The following SORCS1 variants were observed in gnomAD, a reference collection of about 807,000 sequenced individuals.
The protein encoded by SORCS1 is sortilin related VPS10 domain containing receptor 1, also known as VPS10 domain-containing receptor SorCS1.
In SORCS1, 60 loss-of-function variants were observed where a neutral mutation model predicts 146.1. The observed-to-expected ratio is 0.41, with a 90% CI of 0.33 to 0.51. SORCS1 has a LOEUF of 0.51. Among genes scored for constraint, SORCS1 ranks in the 20% least tolerant of loss-of-function variants. SORCS1 has a pLI of 0.21. For synonymous variants in SORCS1, 637 were observed against 584.0 expected, an observed-to-expected ratio of 1.09 and a Z score of -1.31; for missense variants, 1,352 against 1,487.6, an observed-to-expected ratio of 0.91 and a Z score of 1.50.
chr10:106,703,895 TA>T (rs934033867), intron 8 of SORCS1, among the ~76,000 whole-genome samples: 1 of 152,218 alleles, frequency 6.6e-6, no homozygotes, highest in Admixed American at 6.5e-5. Context: ...TACTAGCCCC[TA>T]TTTTTTCTGG....
intron 9 of SORCS1, among the ~76,000 whole-genome samples, chr10:106,693,169 A>C (rs1185779095): frequency 6.6e-6 from 1 of 152,170 alleles, no homozygotes; most frequent in Non-Finnish European, 1.5e-5. Context: ...CTGAAACCCT[A>C]CTGGTCCCAA....
intron 9 of SORCS1, among the ~76,000 whole-genome samples, chr10:106,694,221 T>C (rs1219608341): frequency 6.6e-6 from 1 of 152,172 alleles, no homozygotes; most frequent in African/African-American, 2.4e-5. Flanking sequence ...AACAGCACTC[T>C]CCTCCTCTAG....
At chr10:106,714,000 C>T (rs745482086) in intron 6 of SORCS1, among the ~76,000 whole-genome samples, 1 of 151,850 alleles carries the variant, frequency 6.6e-6, no homozygotes, top group Non-Finnish European at 1.5e-5. Flanking sequence ...GGCATGGTGG[C>T]ACGTGCCTGT....
chr10:107,034,622 G>A (rs1255591727), intron 1 of SORCS1, among the ~76,000 whole-genome samples: 1 of 131,754 alleles, frequency 7.6e-6, no homozygotes, highest in Non-Finnish European at 1.6e-5. Flanking sequence ...ACAGGTTGCA[G>A]TGAGCCGAGA....
At chr10:106,780,499 G>A (rs962162936) in intron 3 of SORCS1, among the ~76,000 whole-genome samples, 4 of 152,186 alleles carry the variant, frequency 2.6e-5, no homozygotes, top group African/African-American at 4.8e-5. Flanking sequence ...GTCATTGTCT[G>A]CCAGGATCAA....
At chr10:107,114,784 G>A (rs1009618277) in intron 1 of SORCS1, among the ~76,000 whole-genome samples, 3 of 152,050 alleles carry the variant, frequency 2.0e-5, no homozygotes, top group Admixed American at 6.5e-5. Context: ...GAAAGAAAAT[G>A]CATCCAAATT....
intron 2 of SORCS1, among the ~76,000 whole-genome samples, chr10:106,868,545 A>G (rs1254201365): frequency 6.6e-6 from 1 of 152,194 alleles, no homozygotes; most frequent in Non-Finnish European, 1.5e-5. Flanking sequence ...AAAATTGCTC[A>G]AAACCATGAA....
chr10:106,942,879 T>C (rs2255608), intron 2 of SORCS1, among the ~76,000 whole-genome samples: 24,726 of 152,156 alleles, frequency 0.16, 2,924 homozygotes, highest in East Asian at 0.38. Context: ...CCCTGGGAAA[T>C]GTAAACATGG....
intron 1 of SORCS1, among the ~76,000 whole-genome samples, chr10:107,126,208 A>T (rs1222806031): frequency 6.6e-6 from 1 of 152,126 alleles, no homozygotes; most frequent in Non-Finnish European, 1.5e-5. Context: ...AAAACCAACG[A>T]TCACTTCATC....
At chr10:107,102,227 C>G (rs929883066) in intron 1 of SORCS1, among the ~76,000 whole-genome samples, 2 of 152,114 alleles carry the variant, frequency 1.3e-5, no homozygotes, top group African/African-American at 4.8e-5. Flanking sequence ...ATTATTTAAT[C>G]TTATTATTGA....
chr10:106,840,863 A>ATTTT (rs59611702), intron 2 of SORCS1, among the ~76,000 whole-genome samples: 6 of 124,164 alleles, frequency 4.8e-5, no homozygotes, highest in African/African-American at 1.7e-4. Flanking sequence ...ATATATATAT[A>ATTTT]TTTTTTTTTT....
intron 1 of SORCS1, among the ~76,000 whole-genome samples, chr10:107,021,095 T>C (rs1399172241): frequency 6.6e-6 from 1 of 152,136 alleles, no homozygotes; most frequent in Non-Finnish European, 1.5e-5. Context: ...ATGAATACAC[T>C]GCATGAAGCA....
At chr10:106,690,905 C>T (rs1347338302) in intron 9 of SORCS1, among the ~76,000 whole-genome samples, 2 of 152,128 alleles carry the variant, frequency 1.3e-5, no homozygotes, top group Non-Finnish European at 2.9e-5. Flanking sequence ...ACGCACAAGC[C>T]ACCTTCTTCC....
intron 1 of SORCS1, among the ~76,000 whole-genome samples, chr10:107,121,729 T>C (rs1966425450): frequency 6.6e-6 from 1 of 152,174 alleles, no homozygotes; most frequent in Non-Finnish European, 1.5e-5. Context: ...AGAATTGTTA[T>C]GATAAGGGAC....
At position 106,776,544 on chromosome 10, in the gene SORCS1, T is replaced by G. The variant is rs1367641473; in HGVS notation, c.875A>C (p.Gln292Pro). The G allele has an allele frequency of 6.2e-7, 1 of 1,614,036 alleles. No individual in the cohort carries two copies. The highest frequency in any genetic ancestry group is 1.3e-5 in the African/African-American group (1 of 75,054). ...GGTAAGTATGCTCACCTTTTGGTCT[T>G]GACTGTATGCCAGAATCCAGTCTTC... ...KQEDWILAYS[Q>P]DQKLYSSAEF... is the part of the protein sequence containing the mutation. The change falls in exon 4 of 26, where the codon CAA (glutamine) becomes CCA (proline). Residue 292 changes from glutamine (Q) to proline (P), a missense_variant. Gln to Pro is a moderately conservative substitution (Grantham distance 76, BLOSUM62 -1). Around this residue, in one of 3 missense-constraint regions of SORCS1, gnomAD observed 490 missense variants for 489.1 expected, o/e 1.00. Transcript: ENST00000263054.
chr10:107,124,294 T>C (rs1273803387), intron 1 of SORCS1, among the ~76,000 whole-genome samples: 1 of 152,062 alleles, frequency 6.6e-6, no homozygotes, highest in African/African-American at 2.4e-5. Flanking sequence ...GTTCCAAAAT[T>C]AGGTCCTAAT....
intron 2 of SORCS1, among the ~76,000 whole-genome samples, chr10:106,892,998 T>C (rs1459701838): frequency 6.6e-6 from 1 of 151,202 alleles, no homozygotes; most frequent in Non-Finnish European, 1.5e-5. Flanking sequence ...AGGTTCAAGC[T>C]ATTCTCCTGC....
intron 6 of SORCS1, among the ~76,000 whole-genome samples, chr10:106,716,740 A>ACAG (rs916526553): frequency 3.9e-5 from 6 of 152,196 alleles, no homozygotes; most frequent in Non-Finnish European, 7.3e-5. Context: ...TTCATTGATA[A>ACAG]CAGCAGCAGC....
chr10:106,934,413 C>A (rs1564826827), intron 2 of SORCS1, among the ~76,000 whole-genome samples: 1 of 150,376 alleles, frequency 6.6e-6, no homozygotes, highest in Non-Finnish European at 1.5e-5. Flanking sequence ...GCCACCACCA[C>A]ACCCGGCTAA....
Sources: allele counts gnomAD v4.1 joint callset (sites outside exome capture counted in the v4.1 genomes callset), GRCh38; gene constraint gnomAD v4.1.1; regional missense constraint gnomAD v4.1.1; transcripts MANE v1.5; gene names NCBI Gene and HGNC (gene_info 2026-07-23, HGNC 2026-07-21).